PRUNE2: variants seen among roughly 807,000 people sequenced by gnomAD.
PRUNE2 encodes prune homolog 2 with BCH domain, also known as protein prune homolog 2.
A neutral mutation model predicts 252.0 loss-of-function variants in PRUNE2; 164 were observed. That is an observed-to-expected ratio of 0.65 (90% CI 0.57 to 0.74). The LOEUF (loss-of-function observed/expected upper bound fraction) is 0.74. Ranked by LOEUF, PRUNE2 falls within the 30% of genes least tolerant of loss-of-function variation. PRUNE2 has a pLI of 0.00. For synonymous variants in PRUNE2, 1,292 were observed against 1,350.2 expected, an observed-to-expected ratio of 0.96 and a Z score of 0.94; for missense variants, 3,495 against 3,711.0, an observed-to-expected ratio of 0.94 and a Z score of 1.51.
intron 4 of PRUNE2, among the ~76,000 whole-genome samples, chr9:76,841,845 G>A (rs529682829): frequency 1.1e-4 from 16 of 152,244 alleles, no homozygotes; most frequent in African/African-American, 3.6e-4. Flanking sequence ...CAGAGCACTT[G>A]GGGGAAGGGG....
chr9:76,649,124 G>A (rs1028506965), intron 11 of PRUNE2, among the ~76,000 whole-genome samples: 56 of 152,242 alleles, frequency 3.7e-4, no homozygotes, highest in African/African-American at 1.3e-3. Flanking sequence ...ACCTAAAGTT[G>A]CTCTAAAGAA....
At chr9:76,819,387 G>A (rs1434692339) in intron 6 of PRUNE2, 1 of 152,240 alleles carries the variant, frequency 6.6e-6, no homozygotes, top group Admixed American at 6.5e-5. Context: ...AGAGATCCAG[G>A]TGATGCTTCT....
chr9:76,879,683 A>G (rs953826228), intron 1 of PRUNE2, among the ~76,000 whole-genome samples: 6 of 151,754 alleles, frequency 4.0e-5, no homozygotes, highest in Non-Finnish European at 8.8e-5. Flanking sequence ...TTGGAATGAT[A>G]GTTAAGTAAG....
chr9:76,859,701 GT>G (rs1320905538), intron 1 of PRUNE2, among the ~76,000 whole-genome samples: 1 of 151,808 alleles, frequency 6.6e-6, no homozygotes, highest in African/African-American at 2.4e-5. Flanking sequence ...TTGTTTGTTT[GT>G]TTGTTTGTTT....
Position 76,849,012 on chromosome 9 carries a change from G to C in PRUNE2, c.344+1451C>G, listed in dbSNP as rs1402301347. On this transcript the variant is annotated intron_variant, in intron 3 of 18. Coordinates refer to ENST00000376718, the MANE Select transcript of PRUNE2 (RefSeq NM_015225.3). ...CAGCCTCAACCTCCCAGGCTCAATT[G>C]ATCCTTTCACCTCAGCCTCCTGAGT... is the stretch of plus-strand genomic sequence containing the variant. Among the ~76,000 whole-genome samples the C allele has an allele frequency of 2.6e-5, 4 of 152,242 alleles. No homozygotes were observed. The East Asian group carries it at 7.7e-4, about 29-fold the overall frequency.
At chr9:76,804,230 G>C (rs910415352) in intron 6 of PRUNE2, among the ~76,000 whole-genome samples, 2 of 152,164 alleles carry the variant, frequency 1.3e-5, no homozygotes, top group African/African-American at 4.8e-5. Context: ...CATGCCCACT[G>C]TGTCCCCCAA....
intron 9 of PRUNE2, among the ~76,000 whole-genome samples, chr9:76,658,823 A>G (rs1288932677): frequency 6.6e-6 from 1 of 152,252 alleles, no homozygotes; most frequent in Middle Eastern, 3.2e-3. Flanking sequence ...GTACTGTGAC[A>G]TTAACACCAT....
In PRUNE2 at chr9:76,614,558, C is replaced by T; in HGVS notation, c.*12G>A. On this transcript the variant is annotated 3_prime_UTR_variant, in exon 19 of 19. Coordinates refer to ENST00000376718, the MANE Select transcript of PRUNE2 (RefSeq NM_015225.3). ...GAACCAGAAAAGCATCCTCTTCTTC[C>T]AGCATGGCCAACTAAGGCTTTTCTT... 2 of 1,608,684 alleles carry T rather than the reference C, an allele frequency of 1.2e-6. No individual in the cohort carries two copies. The highest frequency in any genetic ancestry group is 1.7e-6 in the Non-Finnish European group (2 of 1,175,354).
intron 4 of PRUNE2, among the ~76,000 whole-genome samples, chr9:76,828,028 C>T (rs1444476256): frequency 6.6e-6 from 1 of 152,192 alleles, no homozygotes; most frequent in Non-Finnish European, 1.5e-5. Context: ...ATAACCTTGC[C>T]TCTTGAAGCT....
chr9:76,769,955 A>C (rs1326203061), intron 6 of PRUNE2, among the ~76,000 whole-genome samples: 1 of 152,206 alleles, frequency 6.6e-6, no homozygotes, highest in African/African-American at 2.4e-5. Flanking sequence ...AATCCTGAAA[A>C]TGTATTATAA....
intron 6 of PRUNE2, among the ~76,000 whole-genome samples, chr9:76,818,554 A>AT (rs1213202123): frequency 6.6e-6 from 1 of 151,906 alleles, no homozygotes; most frequent in Non-Finnish European, 1.5e-5. Context: ...TTCACACAGC[A>AT]GAGTGGCTGG....
intron 9 of PRUNE2, among the ~76,000 whole-genome samples, chr9:76,670,528 C>A (rs1443866640): frequency 5.9e-5 from 9 of 151,880 alleles, no homozygotes; most frequent in African/African-American, 2.4e-5. Flanking sequence ...AGCCAGGAAG[C>A]TCGAACTGGG....
intron 6 of PRUNE2, among the ~76,000 whole-genome samples, chr9:76,747,516 G>A (rs1020743470): frequency 6.6e-6 from 1 of 152,084 alleles, no homozygotes; most frequent in African/African-American, 2.4e-5. Context: ...GGGACAATGT[G>A]CCTAAGGTCA....
intron 3 of PRUNE2, among the ~76,000 whole-genome samples, chr9:76,850,112 G>A (rs1255527788): frequency 6.6e-6 from 1 of 151,996 alleles, no homozygotes; most frequent in South Asian, 2.1e-4. Flanking sequence ...GCAGTGGTGC[G>A]ATCTCGGCTC....
intron 9 of PRUNE2, among the ~76,000 whole-genome samples, chr9:76,684,121 A>T (rs2043809812): frequency 6.6e-6 from 1 of 152,128 alleles, no homozygotes; most frequent in Admixed American, 6.6e-5. Flanking sequence ...CATTTTTAGT[A>T]ATTTTGAAAT....
intron 6 of PRUNE2, among the ~76,000 whole-genome samples, chr9:76,746,711 CAAAAAAAAAAAAAA>C (rs57001696): frequency 2.6e-5 from 2 of 76,132 alleles, no homozygotes; most frequent in Admixed American, 1.8e-4. Flanking sequence ...GACTCCGTCT[CAAAAAAAAAAAAAA>C]AAAAAAAAAA....
At chr9:76,749,618 G>T (rs1256019843) in intron 6 of PRUNE2, among the ~76,000 whole-genome samples, 1 of 152,184 alleles carries the variant, frequency 6.6e-6, no homozygotes, top group African/African-American at 2.4e-5. Context: ...TCCTTGCTTG[G>T]CACCCTGCAA....
At chr9:76,642,387 A>T (rs1377149278) in intron 12 of PRUNE2, among the ~76,000 whole-genome samples, 1 of 152,232 alleles carries the variant, frequency 6.6e-6, no homozygotes, top group Non-Finnish European at 1.5e-5. Context: ...AGGTCACTAA[A>T]GCTGAAGACT....
chr9:76,736,745 C>T (rs115500541), intron 6 of PRUNE2: 1 of 152,226 alleles, frequency 6.6e-6, no homozygotes, highest in Non-Finnish European at 1.5e-5. Context: ...TGGATTTTAA[C>T]ATATGAAGTT....
Sources: allele counts gnomAD v4.1 joint callset (sites outside exome capture counted in the v4.1 genomes callset), GRCh38; gene constraint gnomAD v4.1.1; transcripts MANE v1.5; gene names NCBI Gene and HGNC (gene_info 2026-07-23, HGNC 2026-07-21).